SYNDIG1: variants seen among roughly 807,000 people sequenced by gnomAD.
SYNDIG1 encodes the protein synapse differentiation-inducing gene protein 1.
SYNDIG1 carries 9 observed loss-of-function variants against 19.4 expected under a neutral mutation model. That is an observed-to-expected ratio of 0.46 (90% CI 0.28 to 0.81). The LOEUF is 0.81. Ranked by LOEUF, SYNDIG1 falls within the 30% of genes least tolerant of loss-of-function variation. The pLI is 0.12. For missense variants in SYNDIG1, 311 were observed against 343.3 expected (o/e 0.91, Z 0.74); for synonymous variants, 141 against 145.9 (o/e 0.97, Z 0.24).
intron 3 of SYNDIG1, among the ~76,000 whole-genome samples, chr20:24,657,126 T>A (rs2059533588): frequency 6.6e-6 from 1 of 152,206 alleles, no homozygotes; most frequent in African/African-American, 2.4e-5. Context: ...TCCAGAAGGA[T>A]GAGCTACTTA....
At chr20:24,617,584 C>A (rs1372919831) in intron 3 of SYNDIG1, among the ~76,000 whole-genome samples, 1 of 152,206 alleles carries the variant, frequency 6.6e-6, no homozygotes, top group African/African-American at 2.4e-5. Context: ...CAGACATAGG[C>A]AACCCATTTC....
At chr20:24,568,873 C>A (rs1256671718) in intron 2 of SYNDIG1, among the ~76,000 whole-genome samples, 1 of 152,128 alleles carries the variant, frequency 6.6e-6, no homozygotes. Flanking sequence ...GGTCCTGTGC[C>A]CCCTGTTCAT....
chr20:24,644,009 A>G (rs897318886), intron 3 of SYNDIG1, among the ~76,000 whole-genome samples: 2 of 152,270 alleles, frequency 1.3e-5, no homozygotes, highest in Admixed American at 1.3e-4. Context: ...TTGAAATGCA[A>G]GAAGTAGACT....
intron 3 of SYNDIG1, among the ~76,000 whole-genome samples, chr20:24,631,976 C>G (rs1176316071): frequency 1.3e-5 from 2 of 152,138 alleles, no homozygotes; most frequent in Non-Finnish European, 2.9e-5. Context: ...GTTACATCAA[C>G]CAAGACTCAA....
chr20:24,556,352 T>C (rs1187732276), intron 2 of SYNDIG1, among the ~76,000 whole-genome samples: 2 of 152,240 alleles, frequency 1.3e-5, no homozygotes, highest in Admixed American at 6.5e-5. Context: ...GTCATTATGA[T>C]GTTAGCTGGT....
At chr20:24,589,588 C>G (rs888594121) in intron 3 of SYNDIG1, among the ~76,000 whole-genome samples, 1 of 152,216 alleles carries the variant, frequency 6.6e-6, no homozygotes, top group African/African-American at 2.4e-5. Context: ...ATCCCTGCCC[C>G]CAAGGTGGGC....
intron 1 of SYNDIG1, among the ~76,000 whole-genome samples, chr20:24,489,596 A>C (rs559398586): frequency 3.7e-4 from 57 of 152,336 alleles, no homozygotes; most frequent in African/African-American, 1.3e-3. Flanking sequence ...TCACATGACC[A>C]CACACAGACA....
chr20:24,557,124 A>T (rs137972851), intron 2 of SYNDIG1, among the ~76,000 whole-genome samples: 1 of 151,858 alleles, frequency 6.6e-6, no homozygotes, highest in Non-Finnish European at 1.5e-5. Flanking sequence ...TGCATTCTTC[A>T]TGTAGTTCTC....
intron 2 of SYNDIG1, among the ~76,000 whole-genome samples, chr20:24,552,046 A>C (rs189044878): frequency 6.6e-6 from 1 of 152,308 alleles, no homozygotes; most frequent in East Asian, 1.9e-4. Context: ...AGTTGTCACA[A>C]TTAGGAGTGG....
chr20:24,561,013 C>CT (rs1275615660), intron 2 of SYNDIG1, among the ~76,000 whole-genome samples: 1 of 149,614 alleles, frequency 6.7e-6, no homozygotes, highest in South Asian at 2.1e-4. Context: ...TTTTTTAACT[C>CT]TTTTTTTATT....
chr20:24,477,420 C>T (rs2055664895), intron 1 of SYNDIG1, among the ~76,000 whole-genome samples: 1 of 152,136 alleles, frequency 6.6e-6, no homozygotes, highest in Admixed American at 6.5e-5. Context: ...TGATTGTCTT[C>T]AGTCACCTAT....
At chr20:24,653,850 G>T (rs1047876973) in intron 3 of SYNDIG1, among the ~76,000 whole-genome samples, 5 of 152,168 alleles carry the variant, frequency 3.3e-5, no homozygotes, top group Non-Finnish European at 5.9e-5. Flanking sequence ...GTCATCCCTC[G>T]GTGTGGTCTG....
At chr20:24,621,872 A>G (rs2059043967) in intron 3 of SYNDIG1, among the ~76,000 whole-genome samples, 1 of 144,854 alleles carries the variant, frequency 6.9e-6, no homozygotes, top group Non-Finnish European at 1.5e-5. Flanking sequence ...GAAGTTTCTG[A>G]CACCTAAATC....
intron 2 of SYNDIG1, among the ~76,000 whole-genome samples, chr20:24,560,063 C>CT (rs60892856): frequency 0.018 from 764 of 43,036 alleles, 231 homozygotes; most frequent in African/African-American, 0.051. Flanking sequence ...CTCTCCTCTC[C>CT]TTTTTTTTTT....
At chr20:24,473,574 T>C (rs1162978691) in intron 1 of SYNDIG1, among the ~76,000 whole-genome samples, 1 of 152,120 alleles carries the variant, frequency 6.6e-6, no homozygotes, top group Non-Finnish European at 1.5e-5. Flanking sequence ...TTGCTTTGCT[T>C]ATGTCCAGGC....
At chr20:24,601,259 C>T (rs1234485170) in intron 3 of SYNDIG1, among the ~76,000 whole-genome samples, 3 of 152,052 alleles carry the variant, frequency 2.0e-5, no homozygotes, top group Admixed American at 6.6e-5. Flanking sequence ...TTTCTGTTTA[C>T]GAGAGAGATT....
chr20:24,634,609 T>C (rs2059296519), intron 3 of SYNDIG1, among the ~76,000 whole-genome samples: 1 of 152,288 alleles, frequency 6.6e-6, no homozygotes, highest in South Asian at 2.1e-4. Context: ...CATTGGTTAC[T>C]ATAAAGCTGA....
At chr20:24,524,571 G>A (rs1214987739) in intron 1 of SYNDIG1, among the ~76,000 whole-genome samples, 2 of 151,942 alleles carry the variant, frequency 1.3e-5, no homozygotes, top group South Asian at 2.1e-4. Context: ...GCGTGAACCC[G>A]GGAGGCGGAG....
intron 3 of SYNDIG1, among the ~76,000 whole-genome samples, chr20:24,662,123 C>T (rs566202157): frequency 4.6e-5 from 7 of 151,960 alleles, no homozygotes; most frequent in Admixed American, 2.0e-4. Context: ...TGTGACCCAG[C>T]GGTGGTACGA....
Sources: allele counts gnomAD v4.1 joint callset (sites outside exome capture counted in the v4.1 genomes callset), GRCh38; gene constraint gnomAD v4.1.1; transcripts MANE v1.5; gene names NCBI Gene and HGNC (gene_info 2026-07-23, HGNC 2026-07-21).